CTNND2: variants seen among roughly 807,000 people sequenced by gnomAD.
CTNND2 encodes catenin delta-2.
In CTNND2, 22 loss-of-function variants were observed where a neutral mutation model predicts 144.4. The ratio of observed to expected loss-of-function variants is 0.15; its 90% CI spans 0.11 to 0.22. The LOEUF is 0.22. Ranked by LOEUF, CTNND2 falls within the 10% of genes least tolerant of loss-of-function variation. CTNND2 has a pLI of 1.00. For synonymous variants in CTNND2, 751 were observed against 695.6 expected (o/e 1.08, Z -1.25); for missense variants, 1,353 against 1,618.8 (o/e 0.84, Z 2.82).
intron 2 of CTNND2, among the ~76,000 whole-genome samples, chr5:11,653,607 T>C (rs1317473506): frequency 6.6e-6 from 1 of 152,142 alleles, no homozygotes; most frequent in Non-Finnish European, 1.5e-5. Flanking sequence ...AAATATTGAA[T>C]TATATGAGCT....
intron 1 of CTNND2, among the ~76,000 whole-genome samples, chr5:11,841,318 CA>C (rs1794459425): frequency 2.0e-5 from 3 of 148,568 alleles, no homozygotes; most frequent in South Asian, 2.1e-4. Context: ...GAACAAGAAC[CA>C]AAAACACAAA....
chr5:11,369,218 G>T (rs1757241759), intron 7 of CTNND2, among the ~76,000 whole-genome samples: 1 of 152,170 alleles, frequency 6.6e-6, no homozygotes, highest in Non-Finnish European at 1.5e-5. Flanking sequence ...CGTTCATAAG[G>T]AAAGAAAACA....
At chr5:11,042,299 C>T (rs561482075) in intron 16 of CTNND2, among the ~76,000 whole-genome samples, 9 of 152,150 alleles carry the variant, frequency 5.9e-5, no homozygotes, top group East Asian at 3.8e-4. Flanking sequence ...TCAGAGAAGA[C>T]GTATGTTAGT....
chr5:11,225,867 G>A (rs984889767), intron 10 of CTNND2, among the ~76,000 whole-genome samples: 1 of 152,202 alleles, frequency 6.6e-6, no homozygotes, highest in Non-Finnish European at 1.5e-5. Flanking sequence ...ATGTAATCAA[G>A]TTAAGATAGG....
chr5:11,142,105 G>A (rs184664034), intron 12 of CTNND2, among the ~76,000 whole-genome samples: 42 of 152,168 alleles, frequency 2.8e-4, no homozygotes, highest in African/African-American at 7.7e-4. Flanking sequence ...CTCCAGATAC[G>A]TAAGAAATAA....
chr5:11,741,173 A>T (rs922734353), intron 1 of CTNND2, among the ~76,000 whole-genome samples: 1 of 152,202 alleles, frequency 6.6e-6, no homozygotes, highest in Non-Finnish European at 1.5e-5. Context: ...TTCCTCAAGG[A>T]TCTAGGACTA....
intron 2 of CTNND2, among the ~76,000 whole-genome samples, chr5:11,688,490 C>G (rs1489408889): frequency 3.3e-5 from 5 of 152,206 alleles, no homozygotes; most frequent in Non-Finnish European, 5.9e-5. Context: ...TTTGAATTCT[C>G]AGCACTTTCA....
At chr5:11,084,570 C>T (rs1239795274) in intron 15 of CTNND2, among the ~76,000 whole-genome samples, 2 of 152,120 alleles carry the variant, frequency 1.3e-5, no homozygotes, top group Admixed American at 6.5e-5. Context: ...CTTGCAACAT[C>T]GGGGAGATAT....
At chr5:11,114,314 G>A (rs367788598) in intron 13 of CTNND2, among the ~76,000 whole-genome samples, 3 of 151,988 alleles carry the variant, frequency 2.0e-5, no homozygotes, top group Admixed American at 6.5e-5. Context: ...CTTTATAATC[G>A]AGCTGCAGCT....
chr5:11,903,714 T>TGCCG lies in CTNND2; in HGVS notation c.37+99_37+102dup. ...CCCCGCAGCAGCCGCCGCCGCCGCCTGCCGGCCGGGAGCCCAGGACCACCC... is the reference window on the plus strand; with the variant it reads ...CCCCGCAGCAGCCGCCGCCGCCGCCTGCCGGCCGGCCGGGAGCCCAGGACCACCC... On this transcript the variant is annotated intron_variant, in intron 1 of 21. Coordinates refer to ENST00000304623, the MANE Select transcript of CTNND2 (RefSeq NM_001332.4). The surrounding 1 kb of genome is among the most constrained non-coding windows in gnomAD (Gnocchi z 5.4). 1 of 1,202,516 alleles carries TGCCG rather than the reference T, an allele frequency of 8.3e-7. No individual in the cohort carries two copies. Among genetic ancestry groups the TGCCG allele is most frequent in the Non-Finnish European group, 1.1e-6 (1 of 918,686 alleles). 74.5% of individuals were successfully genotyped at this position (1,202,516 alleles called of 1,614,324 possible).
chr5:11,667,005 AG>A (rs1230359800), intron 2 of CTNND2, among the ~76,000 whole-genome samples: 3 of 151,784 alleles, frequency 2.0e-5, no homozygotes, highest in Non-Finnish European at 4.4e-5. Flanking sequence ...CTTAGGAGTG[AG>A]AACATGCAGT....
intron 1 of CTNND2, among the ~76,000 whole-genome samples, chr5:11,783,507 C>A (rs896018615): frequency 6.6e-6 from 1 of 152,110 alleles, no homozygotes; most frequent in African/African-American, 2.4e-5. Context: ...CCCTCTAGGC[C>A]ACAGCCGTAA....
chr5:11,317,366 A>G (rs1401103118), intron 9 of CTNND2, among the ~76,000 whole-genome samples: 1 of 152,216 alleles, frequency 6.6e-6, no homozygotes, highest in East Asian at 1.9e-4. Flanking sequence ...CAGCATAGTT[A>G]GCTGAACAAA....
chr5:11,059,966 A>G (rs1228333388), intron 16 of CTNND2, among the ~76,000 whole-genome samples: 2 of 152,070 alleles, frequency 1.3e-5, no homozygotes, highest in East Asian at 3.8e-4. Context: ...AGAAAAAGGA[A>G]GAAGTAAAAT....
intron 9 of CTNND2, among the ~76,000 whole-genome samples, chr5:11,262,743 CA>C (rs1745008488): frequency 1.0e-5 from 1 of 95,842 alleles, no homozygotes; most frequent in South Asian, 4.0e-4. Context: ...GCCTGGGTGA[CA>C]GAGTAAGACT....
intron 12 of CTNND2, among the ~76,000 whole-genome samples, chr5:11,126,139 T>C (rs1266720567): frequency 6.6e-6 from 1 of 152,136 alleles, no homozygotes; most frequent in Non-Finnish European, 1.5e-5. Flanking sequence ...CTGTCTCTAC[T>C]AAAAATACAA....
chr5:11,375,220 A>G (rs576455147), intron 7 of CTNND2, among the ~76,000 whole-genome samples: 1 of 152,182 alleles, frequency 6.6e-6, no homozygotes, highest in South Asian at 2.1e-4. Context: ...ATTTTCTTCT[A>G]CTTCTTTGTA....
chr5:11,714,069 G>A (rs1786203096), intron 2 of CTNND2, among the ~76,000 whole-genome samples: 1 of 152,192 alleles, frequency 6.6e-6, no homozygotes, highest in Non-Finnish European at 1.5e-5. Flanking sequence ...GGGAGTATAT[G>A]TTTGCTGTGA....
chr5:11,363,369 T>G (rs978669488), intron 8 of CTNND2, among the ~76,000 whole-genome samples: 1 of 152,194 alleles, frequency 6.6e-6, no homozygotes, highest in African/African-American at 2.4e-5. Context: ...TTTATTCAAA[T>G]TAGATATTGA....
Sources: allele counts gnomAD v4.1 joint callset (sites outside exome capture counted in the v4.1 genomes callset), GRCh38; gene constraint gnomAD v4.1.1; non-coding constraint Gnocchi (gnomAD v3.1); transcripts MANE v1.5; gene names NCBI Gene and HGNC (gene_info 2026-07-23, HGNC 2026-07-21).